Variants in XPNPEP3 observed in about 807,000 individuals in gnomAD.
XPNPEP3 encodes the protein xaa-Pro aminopeptidase 3.
XPNPEP3 carries 41 observed loss-of-function variants against 60.0 expected under a neutral mutation model. That is an observed-to-expected ratio of 0.68 (90% CI 0.53 to 0.89). The LOEUF (loss-of-function observed/expected upper bound fraction) is 0.89. XPNPEP3 is among the 40% of genes least tolerant of loss of function. XPNPEP3 has a pLI of 0.00. For synonymous variants in XPNPEP3, 212 were observed against 223.2 expected (o/e 0.95, Z 0.45); for missense variants, 598 against 638.9 (o/e 0.94, Z 0.69).
intron 4 of XPNPEP3, chr22:40,888,590 A>G (rs1601503358): frequency 1.2e-5 from 2 of 171,990 alleles, no homozygotes; most frequent in Admixed American, 1.3e-4. Context: ...TGCGTATGCC[A>G]TATTTTATTT....
chr22:40,862,653 G>A (rs891407650), intron 1 of XPNPEP3: 2 of 985,468 alleles, frequency 2.0e-6, no homozygotes, highest in Non-Finnish European at 1.2e-6. Context: ...GAAGTAGCCT[G>A]ATATGTTAAC....
intron 4 of XPNPEP3, among the ~76,000 whole-genome samples, chr22:40,905,498 A>G (rs1240717680): frequency 6.6e-6 from 1 of 152,126 alleles, no homozygotes; most frequent in African/African-American, 2.4e-5. Flanking sequence ...ATCCATGCTC[A>G]CTCTTCACAG....
intron 1 of XPNPEP3, among the ~76,000 whole-genome samples, chr22:40,867,347 C>A (rs1436562287): frequency 6.6e-6 from 1 of 152,214 alleles, no homozygotes; most frequent in Non-Finnish European, 1.5e-5. Flanking sequence ...TGTTTAATCT[C>A]AACAATCAAT....
At chr22:40,864,552 T>C (rs1378540369) in intron 1 of XPNPEP3, among the ~76,000 whole-genome samples, 1 of 152,114 alleles carries the variant, frequency 6.6e-6, no homozygotes, top group East Asian at 1.9e-4. Context: ...TTCAAGCCAT[T>C]CTCCTGCCTC....
At position 40,911,647 on chromosome 22, in the gene XPNPEP3, G is replaced by A. The variant is rs1312480455; in HGVS notation, c.969+2412G>A. 5.9e-5 allele frequency among the ~76,000 whole-genome samples: 9 copies of A among 151,436 alleles called. No individual in the cohort carries two copies. In the South Asian group the frequency reaches 6.3e-4, roughly 11 times the overall value. ...CTCCCTCTACCTCCCAGGTTCAAGC[G>A]ATTCTCCTTCCTCAGCCTCCTGAGT... On this transcript the variant is annotated intron_variant, in intron 6 of 9. Coordinates refer to ENST00000357137, the MANE Select transcript of XPNPEP3 (RefSeq NM_022098.4).
At chr22:40,877,212 TGA>T (rs1184365072) in intron 2 of XPNPEP3, among the ~76,000 whole-genome samples, 3 of 152,232 alleles carry the variant, frequency 2.0e-5, no homozygotes, top group East Asian at 3.8e-4. Flanking sequence ...GCATTTTTTC[TGA>T]GAGGCCTGTT....
At chr22:40,886,199 G>A in intron 3 of XPNPEP3, 114 bp from the exon 4 acceptor site, 4 of 1,037,584 alleles carry the variant, frequency 3.9e-6, no homozygotes, top group Non-Finnish European at 5.9e-6. Flanking sequence ...ACACTTTAGA[G>A]TTCCACGTTA....
intron 4 of XPNPEP3, among the ~76,000 whole-genome samples, chr22:40,904,820 A>G (rs896328608): frequency 1.3e-5 from 2 of 152,248 alleles, no homozygotes; most frequent in Middle Eastern, 3.4e-3. Flanking sequence ...GCTGGAGTGC[A>G]GTGGCACGAT....
intron 2 of XPNPEP3, among the ~76,000 whole-genome samples, chr22:40,881,191 A>G (rs911824925): frequency 8.6e-5 from 13 of 151,932 alleles, no homozygotes; most frequent in Non-Finnish European, 1.6e-4. Context: ...GATTACAGGC[A>G]TGCACCACCA....
chr22:40,900,104 C>T (rs1402549247), intron 4 of XPNPEP3, among the ~76,000 whole-genome samples: 2 of 151,556 alleles, frequency 1.3e-5, no homozygotes, highest in Non-Finnish European at 2.9e-5. Flanking sequence ...GATCAGTGAC[C>T]TAAACTTAAG....
intron 4 of XPNPEP3, among the ~76,000 whole-genome samples, chr22:40,889,676 T>A (rs1033113180): frequency 1.3e-5 from 2 of 152,096 alleles, no homozygotes; most frequent in African/African-American, 4.8e-5. Flanking sequence ...AAAAGATATT[T>A]TAATTAGCCA....
chr22:40,924,824 T>C (rs1029495750), intron 9 of XPNPEP3, among the ~76,000 whole-genome samples: 4 of 152,176 alleles, frequency 2.6e-5, no homozygotes, highest in Admixed American at 1.3e-4. Context: ...CCCAGCCACA[T>C]TGTTTATTTT....
chr22:40,930,137 T>TG lies in XPNPEP3; in HGVS notation c.*3702_*3703insG, dbSNP rs1054999309. On this transcript the variant is annotated 3_prime_UTR_variant, in exon 10 of 10. Transcript: ENST00000357137. The stretch of plus-strand genomic sequence containing the variant: ...GGTTTTTTGTGGGGTTTTTTTGTTT[T>TG]TTTTTTTTTTGAGATGGAGTCTCGC... 6.7e-6 allele frequency: 1 copy of TG among 150,324 alleles called. No individual in the cohort carries two copies. The highest frequency in any genetic ancestry group is 2.4e-5 in the African/African-American group (1 of 41,034). 9.3% of individuals were successfully genotyped at this position (150,324 alleles called of 1,614,324 possible). A position where few individuals can be genotyped will look rare whatever the true frequency, so the allele number is the denominator to read the frequency against.
intron 7 of XPNPEP3, among the ~76,000 whole-genome samples, chr22:40,914,531 ATTTTTTT>A (rs560908648): frequency 3.0e-5 from 2 of 67,604 alleles, no homozygotes; most frequent in Non-Finnish European, 5.6e-5. Flanking sequence ...ACTAACAAAG[ATTTTTTT>A]TTTTTTTTTT....
intron 7 of XPNPEP3, among the ~76,000 whole-genome samples, chr22:40,921,280 C>T (rs1047035676): frequency 2.0e-5 from 3 of 152,072 alleles, no homozygotes; most frequent in Non-Finnish European, 4.4e-5. Flanking sequence ...GGAAGGGCCA[C>T]TTCTGCTGGC....
intron 8 of XPNPEP3, among the ~76,000 whole-genome samples, chr22:40,923,576 G>A (rs2058224304): frequency 6.6e-6 from 1 of 152,116 alleles, no homozygotes; most frequent in South Asian, 2.1e-4. Flanking sequence ...AGCTGGCTGG[G>A]CACAGTGGCT....
intron 9 of XPNPEP3, 127 bp from the exon 10 acceptor site, chr22:40,926,142 C>T: frequency 2.1e-6 from 2 of 961,476 alleles, no homozygotes; most frequent in Admixed American, 1.8e-5. Flanking sequence ...CACAGCTTTA[C>T]TAGGTAGGTA....
intron 1 of XPNPEP3, chr22:40,860,060 AC>A (rs2057932685): frequency 6.6e-6 from 1 of 152,140 alleles, no homozygotes; most frequent in Non-Finnish European, 1.5e-5. Context: ...TTACCATGTT[AC>A]CCGTTTTTTA....
At chr22:40,891,782 G>T (rs2058089539) in intron 4 of XPNPEP3, among the ~76,000 whole-genome samples, 1 of 152,150 alleles carries the variant, frequency 6.6e-6, no homozygotes, top group Non-Finnish European at 1.5e-5. Flanking sequence ...TCCACAAACT[G>T]CACTACAGGA....
Sources: allele counts gnomAD v4.1 joint callset (sites outside exome capture counted in the v4.1 genomes callset), GRCh38; gene constraint gnomAD v4.1.1; transcripts MANE v1.5; gene names NCBI Gene and HGNC (gene_info 2026-07-23, HGNC 2026-07-21).